Variants in WWC1 observed in about 807,000 individuals in gnomAD.
The protein encoded by WWC1 is protein KIBRA.
Under a neutral mutation model 138.4 loss-of-function variants are expected in WWC1, and 55 were observed. That is an observed-to-expected ratio of 0.40 (90% CI 0.32 to 0.50). The LOEUF (loss-of-function observed/expected upper bound fraction) is 0.50, where lower values mean the gene tolerates loss of function less well. Ranked by LOEUF, WWC1 falls within the 20% of genes least tolerant of loss-of-function variation. WWC1 has a pLI of 0.72. For missense variants in WWC1, 1,226 were observed against 1,420.4 expected (o/e 0.86, Z 2.20); for synonymous variants, 524 against 564.9 (o/e 0.93, Z 1.03).
intron 1 of WWC1, among the ~76,000 whole-genome samples, chr5:168,339,866 T>TCTCTCTCTCCCTCTCTCC (rs2152776168): frequency 4.0e-5 from 6 of 148,666 alleles, no homozygotes; most frequent in Admixed American, 2.7e-4. Flanking sequence ...TCTTTCTCTC[T>TCTCTCTCTCCCTCTCTCC]CTCTCTCTCC....
At chr5:168,347,695 T>G (rs182947432) in intron 1 of WWC1, among the ~76,000 whole-genome samples, 56 of 152,292 alleles carry the variant, frequency 3.7e-4, no homozygotes, top group Admixed American at 3.7e-3. Context: ...GATGATCTAT[T>G]TCATTTATTA....
Position 168,413,646 on chromosome 5 carries a change from C to T in WWC1, c.942-702C>T, listed in dbSNP as rs144120407. Among the ~76,000 whole-genome samples, 145 of 152,250 alleles carry T rather than the reference C, an allele frequency of 9.5e-4. 1 individual carries two copies. Among genetic ancestry groups the T allele is most frequent in the African/African-American group, 2.8e-3 (116 of 41,548 alleles). ...GTCCCTTCCATCATGAAGGCCAGAG[C>T]GAGCCAGGACTCCAACTCCAGGCCT... On this transcript the variant is annotated intron_variant, in intron 8 of 22. Transcript: ENST00000265293.
intron 9 of WWC1, among the ~76,000 whole-genome samples, chr5:168,420,944 C>T (rs527875746): frequency 1.3e-5 from 2 of 152,286 alleles, no homozygotes; most frequent in South Asian, 4.2e-4. Context: ...ATGTTCTTCC[C>T]TCCTGCACTT....
intron 1 of WWC1, among the ~76,000 whole-genome samples, chr5:168,319,896 C>T (rs977449563): frequency 3.9e-5 from 6 of 152,284 alleles, no homozygotes; most frequent in Middle Eastern, 3.4e-3. Flanking sequence ...AATTTCTCCA[C>T]GTCATCATCA....
chr5:168,342,359 G>A (rs1774104961), intron 1 of WWC1, among the ~76,000 whole-genome samples: 1 of 152,178 alleles, frequency 6.6e-6, no homozygotes, highest in African/African-American at 2.4e-5. Context: ...GCAGCCTCTA[G>A]GCAGGCAGGC....
Position 168,350,187 on chromosome 5 carries a change from C to T in WWC1, c.120-21237C>T, listed in dbSNP as rs540912197. On this transcript the variant is annotated intron_variant, in intron 1 of 22. Coordinates refer to ENST00000265293, the MANE Select transcript of WWC1 (RefSeq NM_015238.3). ...CTCCTGACTCTGCCTGCTGCTGTAT[C>T]GGCTTCGTTCTCAGTTTGCACATGA... Among the ~76,000 whole-genome samples the T allele has an allele frequency of 4.9e-4, 75 of 152,258 alleles. No individual in the cohort carries two copies. In the South Asian group the frequency reaches 7.1e-3, roughly 14 times the overall value.
At chr5:168,315,755 A>C (rs1771531180) in intron 1 of WWC1, among the ~76,000 whole-genome samples, 1 of 152,076 alleles carries the variant, frequency 6.6e-6, no homozygotes, top group Non-Finnish European at 1.5e-5. Flanking sequence ...GGGGTGACGA[A>C]TGGTCGCTTC....
chr5:168,458,373 C>T (rs1756514606), intron 19 of WWC1, among the ~76,000 whole-genome samples: 1 of 152,200 alleles, frequency 6.6e-6, no homozygotes, highest in Admixed American at 6.5e-5. Context: ...GAGGGCCTTC[C>T]TCTGGCCTCC....
intron 15 of WWC1, among the ~76,000 whole-genome samples, chr5:168,440,917 TGGC>T: frequency 6.6e-6 from 1 of 152,192 alleles, no homozygotes; most frequent in East Asian, 1.9e-4. Flanking sequence ...CATCAACAGA[TGGC>T]TGGATAAGCA....
chr5:168,305,691 G>A lies in WWC1; in HGVS notation c.119+13420G>A, dbSNP rs570060060. On this transcript the variant is annotated intron_variant, in intron 1 of 22. Coordinates refer to ENST00000265293, the MANE Select transcript of WWC1 (RefSeq NM_015238.3). ...TCTCCTTTCTACAAGGAGATGAGGA[G>A]GTGTCTTTGGAGCTGGGGGAACAAA... 3.3e-5 allele frequency among the ~76,000 whole-genome samples: 5 copies of A among 152,256 alleles called. No homozygotes were observed. The East Asian group carries it at 9.7e-4, about 29-fold the overall frequency.
At chr5:168,354,523 A>G (rs1212876287) in intron 1 of WWC1, among the ~76,000 whole-genome samples, 1 of 152,146 alleles carries the variant, frequency 6.6e-6, no homozygotes, top group African/African-American at 2.4e-5. Context: ...CCTCCATTCT[A>G]TCTTTTTGGG....
At chr5:168,422,301 G>A (rs568707082) in intron 10 of WWC1, among the ~76,000 whole-genome samples, 13 of 152,334 alleles carry the variant, frequency 8.5e-5, no homozygotes, top group Admixed American at 8.5e-4. Flanking sequence ...CAGACTGATA[G>A]CACAAAGAAG....
chr5:168,405,928 T>C (rs1177546550), intron 5 of WWC1, among the ~76,000 whole-genome samples: 1 of 151,998 alleles, frequency 6.6e-6, no homozygotes, highest in Admixed American at 6.6e-5. Context: ...GGTTTCACCA[T>C]GTTGCTCAAG....
intron 17 of WWC1, among the ~76,000 whole-genome samples, chr5:168,450,127 A>G (rs548806391): frequency 6.6e-6 from 1 of 152,288 alleles, no homozygotes; most frequent in South Asian, 2.1e-4. Flanking sequence ...TCAGTATGAT[A>G]ACACTGTCTC....
At chr5:168,320,223 C>T (rs1303828014) in intron 1 of WWC1, among the ~76,000 whole-genome samples, 2 of 152,032 alleles carry the variant, frequency 1.3e-5, no homozygotes, top group Admixed American at 1.3e-4. Context: ...TTAGTAGAGA[C>T]GGAGTTTCAC....
At chr5:168,344,908 A>G (rs542254761) in intron 1 of WWC1, among the ~76,000 whole-genome samples, 3 of 152,338 alleles carry the variant, frequency 2.0e-5, no homozygotes, top group Non-Finnish European at 4.4e-5. Context: ...ACCATGCCCC[A>G]GTTCTTAGTT....
At chr5:168,405,262 A>T (rs1343843460) in intron 5 of WWC1, among the ~76,000 whole-genome samples, 1 of 152,150 alleles carries the variant, frequency 6.6e-6, no homozygotes, top group African/African-American at 2.4e-5. Context: ...GACCAGCATG[A>T]TTTTGCTCCG....
At chr5:168,446,045 G>A (rs1243485957) in intron 17 of WWC1, among the ~76,000 whole-genome samples, 1 of 151,876 alleles carries the variant, frequency 6.6e-6, no homozygotes, top group East Asian at 1.9e-4. Flanking sequence ...TGGAGAATGA[G>A]GTCTGTTATT....
chr5:168,316,671 A>AG (rs1434530346), intron 1 of WWC1: 2 of 152,384 alleles, frequency 1.3e-5, no homozygotes, highest in Non-Finnish European at 2.9e-5. Flanking sequence ...CGAGCAGCTG[A>AG]GGGCTAAGTG....
Sources: gnomAD v4.1 joint callset for allele counts (sites outside exome capture counted in the v4.1 genomes callset) on GRCh38, gnomAD v4.1.1 for gene constraint, MANE v1.5 for transcripts, NCBI Gene and HGNC (gene_info 2026-07-23, HGNC 2026-07-21) for gene names.